KIF1A: variants seen among roughly 807,000 people sequenced by gnomAD.
KIF1A encodes the protein kinesin family member 1A.
Under a neutral mutation model 227.3 loss-of-function variants are expected in KIF1A, and 46 were observed. The ratio of observed to expected loss-of-function variants is 0.20; its 90% confidence interval spans 0.16 to 0.26. The LOEUF (loss-of-function observed/expected upper bound fraction) is 0.26. Ranked by LOEUF, KIF1A falls within the 10% of genes least tolerant of loss-of-function variation. The pLI, the probability that KIF1A is intolerant of heterozygous loss-of-function variation, is 1.00. For synonymous variants in KIF1A, 1,022 were observed against 1,012.8 expected (o/e 1.01, Z -0.17); for missense variants, 1,683 against 2,485.9 (o/e 0.68, Z 6.87).
Position 240,740,041 on chromosome 2 carries a change from C to G in KIF1A, c.3901+17G>C. On this transcript the variant is annotated intron_variant, in intron 37 of 48. Coordinates refer to ENST00000498729, the MANE Select transcript of KIF1A (RefSeq NM_001244008.2). The surrounding 1 kb of genome is among the most constrained non-coding windows in gnomAD (Gnocchi z 6.1). Reference sequence around the variant, plus strand: ...GCTCAGCCCCACCCACCAAGGCAGCCCCCACACCGCACTCACCCACGACCA... The same window carrying G: ...GCTCAGCCCCACCCACCAAGGCAGCGCCCACACCGCACTCACCCACGACCA... 1 of 1,566,588 alleles carries G rather than the reference C, an allele frequency of 6.4e-7. No homozygotes were observed.
chr2:240,743,236 G>A (rs771309224), intron 33 of KIF1A, among the ~76,000 whole-genome samples: 62 of 152,184 alleles, frequency 4.1e-4, no homozygotes, highest in Non-Finnish European at 6.0e-4. Context: ...AGGCACTCGC[G>A]AGGACAGACA....
upstream of KIF1A, chr2:240,820,348 G>A (rs2058644898): frequency 6.6e-6 from 1 of 151,308 alleles, no homozygotes. The surrounding 1 kb of genome is among the most constrained non-coding windows in gnomAD (Gnocchi z 6.2). Flanking sequence ...CGGGGAGAGG[G>A]ACGGGCGACG....
chr2:240,724,006 G>A lies in KIF1A; in HGVS notation c.4287C>T (p.Ser1429=). 2 of 1,612,606 alleles carry A rather than the reference G, an allele frequency of 1.2e-6. No homozygotes were observed. The highest frequency in any genetic ancestry group is 1.7e-6 in the Non-Finnish European group (2 of 1,179,802). The change falls in exon 41 of 49, where the codon AGC becomes AGT. Residue 1429 remains serine (S), a synonymous_variant. Transcript: ENST00000498729. ...TGCCCGCGTCAGCCACGTGGCACAG[G>A]CTGAGCTCGTACACACCAGTCACAC... ...SNRVTGVYEL[S]LCHVADAGSP... is the part of the protein sequence containing the mutation.
At chr2:240,720,000 C>G (rs925078759) in intron 45 of KIF1A, 74 bp from the exon 46 acceptor site, 5 of 1,470,148 alleles carry the variant, frequency 3.4e-6, no homozygotes, top group Admixed American at 2.3e-5. Context: ...AGGCTTCACC[C>G]TCCTCAGAGC....
At chr2:240,767,391 CCTGA>C in intron 17 of KIF1A, 46 bp from the exon 18 acceptor site, 2 of 1,506,520 alleles carry the variant, frequency 1.3e-6, no homozygotes, top group Non-Finnish European at 1.8e-6. Flanking sequence ...GGGGCAGGAG[CCTGA>C]TGCTGGCCAC....
At chr2:240,734,457 GCAGCCAAAAT>G (rs2047096675) in intron 38 of KIF1A, among the ~76,000 whole-genome samples, 1 of 152,188 alleles carries the variant, frequency 6.6e-6, no homozygotes, top group Non-Finnish European at 1.5e-5. Context: ...AAACTACAAA[GCAGCCAAAAT>G]CAGGAGTGGG....
chr2:240,735,117 C>T (rs2047175748), intron 38 of KIF1A, among the ~76,000 whole-genome samples: 1 of 152,174 alleles, frequency 6.6e-6, no homozygotes, highest in Non-Finnish European at 1.5e-5. Flanking sequence ...GGACAGTCCC[C>T]AAGACTGCTC....
At chr2:240,817,655 C>G (rs2058425529) in intron 1 of KIF1A, among the ~76,000 whole-genome samples, 1 of 152,196 alleles carries the variant, frequency 6.6e-6, no homozygotes, top group Non-Finnish European at 1.5e-5. Flanking sequence ...CTGGTAGGAC[C>G]AGGGCTCTGT....
At chr2:240,800,861 C>T (rs1010883886) in intron 1 of KIF1A, among the ~76,000 whole-genome samples, 3 of 152,204 alleles carry the variant, frequency 2.0e-5, no homozygotes, top group Admixed American at 6.5e-5. Flanking sequence ...CAGCAAGGTA[C>T]GAAACCTAAG....
intron 38 of KIF1A, among the ~76,000 whole-genome samples, chr2:240,735,682 C>T (rs1404857987): frequency 6.6e-6 from 1 of 152,186 alleles, no homozygotes; most frequent in Non-Finnish European, 1.5e-5. Context: ...ACTCTGCAGG[C>T]AGCGCCCGTG....
chr2:240,723,034 G>A (rs1031332018), intron 42 of KIF1A, among the ~76,000 whole-genome samples: 2 of 152,190 alleles, frequency 1.3e-5, no homozygotes, highest in African/African-American at 2.4e-5. Context: ...CACGCGTCAC[G>A]TGTCACACAC....
Position 240,740,970 on chromosome 2 carries a change from G to T in KIF1A, c.3749+299C>A, listed in dbSNP as rs966529903. On this transcript the variant is annotated intron_variant, in intron 35 of 48. Transcript: ENST00000498729. The surrounding 1 kb of genome is among the most constrained non-coding windows in gnomAD (Gnocchi z 6.1). ...CTTTGTAAGTGCTGTCTGCCTCCCT[G>T]CCCTGCCCCTGAGCCATACCCTGGT... Among the ~76,000 whole-genome samples, 1 of 152,094 alleles carries T rather than the reference G, an allele frequency of 6.6e-6. No individual in the cohort carries two copies. Among genetic ancestry groups the T allele is most frequent in the Non-Finnish European group, 1.5e-5 (1 of 68,016 alleles).
At chr2:240,748,949 C>T (rs897753580) in intron 28 of KIF1A, among the ~76,000 whole-genome samples, 1 of 151,888 alleles carries the variant, frequency 6.6e-6, no homozygotes, top group Non-Finnish European at 1.5e-5. Context: ...GGTGAAACCC[C>T]GTCTCTACTA....
rs986578737 is a variant in KIF1A, at chr2:240,740,917, C to T, written c.3749+352G>A. 3.3e-5 allele frequency among the ~76,000 whole-genome samples: 5 copies of T among 152,032 alleles called. No individual in the cohort carries two copies. The highest frequency in any genetic ancestry group is 7.2e-5 in the African/African-American group (3 of 41,382). Reference sequence around the variant, plus strand: ...CTCCCCAGGGCCTCAGGGCTCCCCTCCCACCTCCCTCAAAAGTCCCTTGAT... The same window carrying T: ...CTCCCCAGGGCCTCAGGGCTCCCCTTCCACCTCCCTCAAAAGTCCCTTGAT... On this transcript the variant is annotated intron_variant, in intron 35 of 48. Coordinates refer to ENST00000498729, the MANE Select transcript of KIF1A (RefSeq NM_001244008.2). The surrounding 1 kb of genome is among the most constrained non-coding windows in gnomAD (Gnocchi z 6.1).
intron 1 of KIF1A, among the ~76,000 whole-genome samples, chr2:240,799,879 C>A (rs1422213639): frequency 6.6e-6 from 1 of 152,218 alleles, no homozygotes; most frequent in African/African-American, 2.4e-5. Flanking sequence ...TTCAACAGTG[C>A]AAAATTTCCA....
At chr2:240,733,647 A>G (rs1173776851) in intron 38 of KIF1A, among the ~76,000 whole-genome samples, 1 of 152,024 alleles carries the variant, frequency 6.6e-6, no homozygotes, top group African/African-American at 2.4e-5. Context: ...ATCTGTCCTG[A>G]CCCATCGCAA....
intron 10 of KIF1A, among the ~76,000 whole-genome samples, chr2:240,781,453 ACACACAGCTC>A (rs2053972103): frequency 1.6e-5 from 1 of 63,124 alleles, no homozygotes; most frequent in Non-Finnish European, 3.0e-5. Flanking sequence ...ACACACACAC[ACACACAGCTC>A]CACACACACA....
At chr2:240,773,666 C>T (rs1046966157) in intron 12 of KIF1A, among the ~76,000 whole-genome samples, 2 of 152,186 alleles carry the variant, frequency 1.3e-5, no homozygotes, top group African/African-American at 2.4e-5. Context: ...GTCTACGTTT[C>T]CAGCTAGTAC....
At chr2:240,816,096 A>C (rs1160243335) in intron 1 of KIF1A, among the ~76,000 whole-genome samples, 2 of 152,086 alleles carry the variant, frequency 1.3e-5, no homozygotes, top group Non-Finnish European at 2.9e-5. Flanking sequence ...GGTTGAGTAG[A>C]AAGTATTGAG....
Sources: allele counts gnomAD v4.1 joint callset (sites outside exome capture counted in the v4.1 genomes callset), GRCh38; gene constraint gnomAD v4.1.1; non-coding constraint Gnocchi (gnomAD v3.1); transcripts MANE v1.5; gene names NCBI Gene and HGNC (gene_info 2026-07-23, HGNC 2026-07-21).